Variants in FRAS1 observed in about 807,000 individuals in gnomAD.
FRAS1 encodes the protein Fraser extracellular matrix complex subunit 1, also known as extracellular matrix organizing protein FRAS1.
In FRAS1, 290 loss-of-function variants were observed where a neutral mutation model predicts 435.2. The observed-to-expected ratio is 0.67, with a 90% CI of 0.61 to 0.73. The LOEUF is 0.73. FRAS1 is among the 30% of genes least tolerant of loss of function. The probability of loss-of-function intolerance (pLI) is 0.00; values close to 1 mark genes in which losing one functional copy is unlikely to be tolerated. For missense variants in FRAS1, 4,860 were observed against 5,001.5 expected (o/e 0.97, Z 0.85); for synonymous variants, 1,800 against 1,851.0 (o/e 0.97, Z 0.71).
intron 2 of FRAS1, among the ~76,000 whole-genome samples, chr4:78,206,900 G>T (rs891488097): frequency 6.6e-6 from 1 of 152,172 alleles, no homozygotes; most frequent in Non-Finnish European, 1.5e-5. Context: ...TGTGGAAATG[G>T]TTCCACCCTT....
chr4:78,306,190 C>T (rs1360152825), intron 14 of FRAS1, among the ~76,000 whole-genome samples: 1 of 151,688 alleles, frequency 6.6e-6, no homozygotes, highest in Non-Finnish European at 1.5e-5. Flanking sequence ...GAATATTGGC[C>T]CCCACTCTCT....
chr4:78,185,219 G>A (rs1450949601), intron 2 of FRAS1, among the ~76,000 whole-genome samples: 1 of 152,216 alleles, frequency 6.6e-6, no homozygotes, highest in African/African-American at 2.4e-5. Flanking sequence ...CCTGTGGTAG[G>A]TAGGCACTTT....
At position 78,057,727 on chromosome 4, in the gene FRAS1, C is replaced by G. The variant is rs1739535358; in HGVS notation, c.-283C>G. 3.9e-6 allele frequency: 2 copies of G among 512,256 alleles called. No homozygotes were observed. The highest frequency in any genetic ancestry group is 7.0e-6 in the Non-Finnish European group (2 of 287,620). The allele number at this position is 512,256 out of a possible 1,614,324, so 31.7% of individuals were successfully genotyped here. A position where few individuals can be genotyped will look rare whatever the true frequency, so the allele number is the denominator to read the frequency against. The stretch of plus-strand genomic sequence containing the variant: ...TTTTGACGCGGAGAACTGTGCTCTG[C>G]CTCCTCTTATTCTCCCAAAGCTCAC... On this transcript the variant is annotated 5_prime_UTR_variant, in exon 1 of 74. Transcript: ENST00000512123. This position sits in a 1 kb window ranked among gnomAD's most constrained non-coding sequence, Gnocchi z 4.2.
At chr4:78,443,803 G>C (rs1370365117) in intron 41 of FRAS1, among the ~76,000 whole-genome samples, 1 of 152,150 alleles carries the variant, frequency 6.6e-6, no homozygotes, top group Non-Finnish European at 1.5e-5. Flanking sequence ...TTTAAAATGA[G>C]GCACTATTAT....
rs1204271378 is a variant in FRAS1 at position 78,441,148 on chromosome 4, C to A, written c.5530-14C>A. The A allele has an allele frequency of 3.7e-6, 6 of 1,613,340 alleles. No individual in the cohort carries two copies. The South Asian group carries it at 5.5e-5, about 15-fold the overall frequency. On this transcript the variant is annotated splice_polypyrimidine_tract_variant and intron_variant, in intron 40 of 73. Coordinates refer to ENST00000512123, the MANE Select transcript of FRAS1 (RefSeq NM_025074.7). ...GAAATCACCAAGGACTCTCTATGTT[C>A]TTTTCTTTCTTAGGTTGATGAGGGA...
At chr4:78,160,385 A>G (rs1400938422) in intron 2 of FRAS1, among the ~76,000 whole-genome samples, 1 of 152,228 alleles carries the variant, frequency 6.6e-6, no homozygotes, top group Admixed American at 6.5e-5. Context: ...CATATCAAAT[A>G]TGCAGACTTC....
At chr4:78,130,327 G>A (rs546231179) in intron 2 of FRAS1, among the ~76,000 whole-genome samples, 111 of 152,190 alleles carry the variant, frequency 7.3e-4, no homozygotes, top group Middle Eastern at 6.8e-3. Context: ...TAAACTTCAG[G>A]TATAAATATA....
chr4:78,334,714 C>T (rs188396670), intron 19 of FRAS1, among the ~76,000 whole-genome samples: 1 of 151,962 alleles, frequency 6.6e-6, no homozygotes, highest in East Asian at 1.9e-4. Context: ...TGTACAGATA[C>T]GTGTGTGTAT....
chr4:78,058,331 TTGGGTGGG>T (rs1250902981), intron 1 of FRAS1, among the ~76,000 whole-genome samples: 2 of 152,048 alleles, frequency 1.3e-5, no homozygotes, highest in African/African-American at 2.4e-5. Flanking sequence ...CTAAGTGCTT[TTGGGTGGG>T]TGGGTGGCCG....
At chr4:78,065,009 T>C (rs189038256) in intron 1 of FRAS1, among the ~76,000 whole-genome samples, 20 of 148,610 alleles carry the variant, frequency 1.3e-4, no homozygotes, top group African/African-American at 4.9e-4. Flanking sequence ...CAAAAATTGG[T>C]TGGGAATGTG....
intron 9 of FRAS1, among the ~76,000 whole-genome samples, chr4:78,269,777 A>T (rs983810513): frequency 1.3e-4 from 20 of 152,216 alleles, no homozygotes; most frequent in Admixed American, 1.3e-4. Context: ...AATTCAGGTG[A>T]AGAAGTCAAA....
intron 2 of FRAS1, among the ~76,000 whole-genome samples, chr4:78,094,111 T>G (rs934662790): frequency 7.8e-6 from 1 of 128,062 alleles, no homozygotes; most frequent in African/African-American, 3.7e-5. Flanking sequence ...CAAGTTTTTT[T>G]TTTTTTTTTT....
In FRAS1 at chr4:78,344,212, C is replaced by T. The variant is rs185359659; in HGVS notation, c.2422+6395C>T. Among the ~76,000 whole-genome samples, 276 of 152,056 alleles carry T rather than the reference C, an allele frequency of 1.8e-3. 3 individuals are homozygous for T. The highest frequency in any genetic ancestry group is 5.9e-3 in the African/African-American group (246 of 41,454). The stretch of plus-strand genomic sequence containing the variant: ...TAGCACTTGGGCTTTGATCAGCTCA[C>T]GTTCTCTGTGAGTGATCTTTTCATG... On this transcript the variant is annotated intron_variant, in intron 20 of 73. Transcript: ENST00000512123.
chr4:78,535,286 G>T lies in FRAS1; in HGVS notation c.11092+671G>T, dbSNP rs1721846635. 2.6e-5 allele frequency among the ~76,000 whole-genome samples: 4 copies of T among 152,108 alleles called. No individual in the cohort carries two copies. The South Asian group carries it at 8.3e-4, about 32-fold the overall frequency. On this transcript the variant is annotated intron_variant, in intron 71 of 73. Transcript: ENST00000512123. ...GAGTGCTGCCTCTGGTCATCCCCATGGCTTGGGCCATCCCTTTACTCTGAA... is the reference window on the plus strand; with the variant it reads ...GAGTGCTGCCTCTGGTCATCCCCATTGCTTGGGCCATCCCTTTACTCTGAA...
At chr4:78,464,291 T>C (rs1249324897) in intron 48 of FRAS1, 146 bp downstream of exon 48, 1 of 1,376,624 alleles carries the variant, frequency 7.3e-7, no homozygotes, top group Non-Finnish European at 9.9e-7. Flanking sequence ...TGTAGCCACC[T>C]TGGCTCTTGC....
At chr4:78,373,344 T>G (rs1397342337) in intron 24 of FRAS1, among the ~76,000 whole-genome samples, 1 of 151,772 alleles carries the variant, frequency 6.6e-6, no homozygotes, top group East Asian at 1.9e-4. Flanking sequence ...CCATCAAAAG[T>G]GCACAGAGAG....
intron 66 of FRAS1, among the ~76,000 whole-genome samples, chr4:78,517,209 C>A (rs1275211663): frequency 1.3e-5 from 2 of 152,130 alleles, no homozygotes; most frequent in African/African-American, 4.8e-5. Flanking sequence ...CTTTGTGGTG[C>A]CTCTCAGCCT....
intron 2 of FRAS1, among the ~76,000 whole-genome samples, chr4:78,141,327 A>G (rs1477908360): frequency 1.3e-5 from 2 of 152,122 alleles, no homozygotes; most frequent in South Asian, 2.1e-4. Flanking sequence ...TTAACTGAAT[A>G]TGGTCTAGGG....
intron 16 of FRAS1, 31 bp from the exon 17 acceptor site, chr4:78,317,337 A>G (rs367990983): frequency 1.2e-6 from 2 of 1,613,304 alleles, no homozygotes; most frequent in African/African-American, 1.3e-5. Flanking sequence ...CCCATGTCCC[A>G]TGGCGTTCTC....
Sources: allele counts gnomAD v4.1 joint callset (sites outside exome capture counted in the v4.1 genomes callset), GRCh38; gene constraint gnomAD v4.1.1; non-coding constraint Gnocchi (gnomAD v3.1); transcripts MANE v1.5; gene names NCBI Gene and HGNC (gene_info 2026-07-23, HGNC 2026-07-21).